Variants in CTIF observed in about 807,000 individuals in gnomAD.
CTIF encodes cap binding complex dependent translation initiation factor.
A neutral mutation model predicts 66.0 loss-of-function variants in CTIF; 21 were observed. The ratio of observed to expected loss-of-function variants is 0.32; its 90% CI spans 0.23 to 0.46. The LOEUF is 0.46. Among genes scored for constraint, CTIF ranks in the 20% least tolerant of loss-of-function variants. The pLI, the probability that CTIF is intolerant of heterozygous loss-of-function variation, is 1.00. For synonymous variants in CTIF, 345 were observed against 326.4 expected (o/e 1.06, Z -0.62); for missense variants, 739 against 812.7 (o/e 0.91, Z 1.10).
intron 1 of CTIF, among the ~76,000 whole-genome samples, chr18:48,569,419 C>T (rs1454255704): frequency 6.7e-6 from 1 of 148,572 alleles, no homozygotes; most frequent in Non-Finnish European, 1.5e-5. Context: ...TCGGTGCACC[C>T]AGCAAACTTA....
chr18:48,731,707 C>A (rs2092457990), intron 7 of CTIF, among the ~76,000 whole-genome samples: 1 of 152,170 alleles, frequency 6.6e-6, no homozygotes, highest in South Asian at 2.1e-4. Flanking sequence ...ACCAGAAACC[C>A]AATGGTCCCT....
chr18:48,790,360 C>G (rs201929824), intron 9 of CTIF, among the ~76,000 whole-genome samples: 2 of 152,228 alleles, frequency 1.3e-5, no homozygotes, highest in African/African-American at 4.8e-5. Flanking sequence ...CAAGGAGTTA[C>G]AGCGGTGCTT....
rs138942431 is a variant in CTIF at position 48,839,197 on chromosome 18, C to T, written c.1528-18391C>T. Among the ~76,000 whole-genome samples, 679 of 152,294 alleles carry T rather than the reference C, an allele frequency of 4.5e-3. 2 individuals are homozygous for T. The highest frequency in any genetic ancestry group is 0.015 in the African/African-American group (610 of 41,540). ...CCCACCAGCCCTCTCACTGGCTCAC[C>T]CCTCCTGTTCTCAGTCTCACCCTGC... On this transcript the variant is annotated intron_variant, in intron 10 of 11. Coordinates refer to ENST00000256413, the MANE Select transcript of CTIF (RefSeq NM_014772.3).
chr18:48,790,858 G>C (rs1004742317), intron 9 of CTIF, among the ~76,000 whole-genome samples: 6 of 152,192 alleles, frequency 3.9e-5, no homozygotes, highest in African/African-American at 1.4e-4. Context: ...TGGGGCCTCT[G>C]TCAGCTGGCT....
At chr18:48,778,339 C>A (rs1434246614) in intron 9 of CTIF, among the ~76,000 whole-genome samples, 1 of 152,190 alleles carries the variant, frequency 6.6e-6, no homozygotes, top group Non-Finnish European at 1.5e-5. Context: ...GAGGCGGGAG[C>A]CCCAGGTCTG....
At chr18:48,674,371 G>A (rs188022567) in intron 6 of CTIF, among the ~76,000 whole-genome samples, 43 of 152,352 alleles carry the variant, frequency 2.8e-4, no homozygotes, top group Non-Finnish European at 5.0e-4. Flanking sequence ...AGTCTGGGGC[G>A]TGAATGTGTG....
intron 9 of CTIF, among the ~76,000 whole-genome samples, chr18:48,772,821 C>T (rs1262430556): frequency 2.0e-5 from 3 of 152,120 alleles, no homozygotes; most frequent in Admixed American, 2.0e-4. Flanking sequence ...TGTTTGAGTC[C>T]CTGCTTTTGA....
chr18:48,543,584 G>A (rs1254163016), intron 1 of CTIF, among the ~76,000 whole-genome samples: 1 of 152,172 alleles, frequency 6.6e-6, no homozygotes, highest in Non-Finnish European at 1.5e-5. Flanking sequence ...GTTCACAACG[G>A]GGTGAGAACA....
chr18:48,619,598 G>A lies in CTIF; in HGVS notation c.33G>A (p.Ser11=), dbSNP rs367975275. The A allele has an allele frequency of 2.3e-5, 36 of 1,595,902 alleles. No individual in the cohort carries two copies. Among genetic ancestry groups the A allele is most frequent in the Middle Eastern group, 1.7e-4 (1 of 6,020 alleles). Residue 11 remains serine, a synonymous_variant, in exon 2 of 12, where the codon TCG becomes TCA. Transcript: ENST00000256413. The part of the protein sequence containing the change: MENSSAASAS[S]EAGSSRSQEI... ...ACTCCTCTGCAGCATCAGCCTCCTC[G>A]GAGGCAGGGAGCAGCCGCTCCCAGG...
intron 1 of CTIF, among the ~76,000 whole-genome samples, chr18:48,614,997 C>G (rs1283010350): frequency 6.6e-6 from 1 of 152,098 alleles, no homozygotes; most frequent in Non-Finnish European, 1.5e-5. Flanking sequence ...AACTCCTGGG[C>G]TCAAGCAATC....
intron 10 of CTIF, among the ~76,000 whole-genome samples, chr18:48,823,376 G>C (rs886205011): frequency 6.6e-6 from 1 of 152,036 alleles, no homozygotes; most frequent in Non-Finnish European, 1.5e-5. Flanking sequence ...TTTCTTCTTC[G>C]TGTGGATATC....
At chr18:48,683,083 C>T (rs762386795) in intron 6 of CTIF, 1 of 152,184 alleles carries the variant, frequency 6.6e-6, no homozygotes, top group Non-Finnish European at 1.5e-5. Flanking sequence ...GAGTTTGTTC[C>T]CTGCGTGCAG....
chr18:48,670,110 A>G (rs1444553167), intron 5 of CTIF, among the ~76,000 whole-genome samples: 1 of 151,932 alleles, frequency 6.6e-6, no homozygotes, highest in African/African-American at 2.4e-5. Flanking sequence ...GCACCCTTAA[A>G]TATGCCAAAG....
chr18:48,571,702 C>G (rs1309714414), intron 1 of CTIF, among the ~76,000 whole-genome samples: 1 of 152,052 alleles, frequency 6.6e-6, no homozygotes, highest in Non-Finnish European at 1.5e-5. Flanking sequence ...TTCATCCACC[C>G]CCTATTTCTG....
At position 48,640,804 on chromosome 18, in the gene CTIF, C is replaced by G. The variant is rs2090913713; in HGVS notation, c.252+4119C>G. 2.0e-5 allele frequency among the ~76,000 whole-genome samples: 3 copies of G among 152,258 alleles called. No individual in the cohort carries two copies. The South Asian group carries it at 6.2e-4, about 31-fold the overall frequency. On this transcript the variant is annotated intron_variant, in intron 3 of 11. Coordinates refer to ENST00000256413, the MANE Select transcript of CTIF (RefSeq NM_014772.3). ...ACTGGGATGATTGATTCATCCCCAG[C>G]AGGCTTCCAGCCTCATCCTGTTTGT...
At chr18:48,575,637 T>C (rs544691390) in intron 1 of CTIF, among the ~76,000 whole-genome samples, 95 of 152,192 alleles carry the variant, frequency 6.2e-4, no homozygotes, top group Non-Finnish European at 1.2e-3. Flanking sequence ...TCTGAGGGGA[T>C]GGAAGGTCCG....
chr18:48,859,576 C>T lies in CTIF; in HGVS notation c.*17C>T. 1 of 1,611,788 alleles carries T rather than the reference C, an allele frequency of 6.2e-7. No homozygotes were observed. Among genetic ancestry groups the T allele is most frequent in the Non-Finnish European group, 8.5e-7 (1 of 1,178,326 alleles). The stretch of plus-strand genomic sequence containing the variant: ...ACAGCCTGACAGCCAGGGGGCCTGG[C>T]AGGCGGCCCACGGGCAGCTGGGGCC... On this transcript the variant is annotated 3_prime_UTR_variant, in exon 12 of 12. Transcript: ENST00000256413.
intron 10 of CTIF, among the ~76,000 whole-genome samples, chr18:48,835,429 G>C (rs2068787910): frequency 6.6e-6 from 1 of 152,216 alleles, no homozygotes; most frequent in South Asian, 2.1e-4. Context: ...TAAGGCTCAT[G>C]TACTTGGGTC....
At chr18:48,569,721 G>A (rs1407062219) in intron 1 of CTIF, among the ~76,000 whole-genome samples, 2 of 151,786 alleles carry the variant, frequency 1.3e-5, no homozygotes, top group African/African-American at 4.9e-5. Context: ...GAGGTTGATG[G>A]TGAAAGCAGC....
Sources: allele counts gnomAD v4.1 joint callset (sites outside exome capture counted in the v4.1 genomes callset), GRCh38; gene constraint gnomAD v4.1.1; transcripts MANE v1.5; gene names NCBI Gene and HGNC (gene_info 2026-07-23, HGNC 2026-07-21).